NSD2: variants seen among roughly 807,000 people sequenced by gnomAD.
NSD2 encodes histone-lysine N-methyltransferase NSD2.
In NSD2, 12 loss-of-function variants were observed where a neutral mutation model predicts 139.0. That is an observed-to-expected ratio of 0.09 (90% CI 0.06 to 0.14). The LOEUF is 0.14. NSD2 is among the 10% of genes least tolerant of loss of function. The probability of loss-of-function intolerance (pLI) is 1.00; values close to 1 mark genes in which losing one functional copy is unlikely to be tolerated. For missense variants in NSD2, 1,155 were observed against 1,745.0 expected (o/e 0.66, Z 6.02); for synonymous variants, 669 against 648.7 (o/e 1.03, Z -0.48).
At chr4:1,913,639 C>T (rs1020384607) in intron 3 of NSD2, among the ~76,000 whole-genome samples, 18 of 152,200 alleles carry the variant, frequency 1.2e-4, no homozygotes, top group African/African-American at 4.1e-4. Flanking sequence ...GGGAAGGGCC[C>T]CCTGTCTGGT....
At chr4:1,889,342 C>T (rs1277704022) in intron 1 of NSD2, among the ~76,000 whole-genome samples, 4 of 151,888 alleles carry the variant, frequency 2.6e-5, no homozygotes, top group African/African-American at 4.8e-5. Flanking sequence ...TACAGGCATG[C>T]GCTTCCACAC....
At position 1,942,040 on chromosome 4, in the gene NSD2, TC is replaced by T. The variant is rs576109965; in HGVS notation, c.1881+2265del. 1.0e-5 allele frequency: 12 copies of T among 1,158,262 alleles called. No homozygotes were observed. The highest frequency in any genetic ancestry group is 4.7e-5 in the African/African-American group (3 of 63,374). The allele number at this position is 1,158,262 out of a possible 1,614,324, so 71.7% of individuals were successfully genotyped here. ...ACCCCCTTTGCATGTTTGTATTTCC[TC>T]CCTTTCATCACATTTGTTTGAAATA... is the stretch of plus-strand genomic sequence containing the variant. On this transcript the variant is annotated intron_variant, in intron 9 of 21. Transcript: ENST00000508803. This position sits in a 1 kb window ranked among gnomAD's most constrained non-coding sequence, Gnocchi z 4.0.
In NSD2 at chr4:1,939,695, C is replaced by A; in HGVS notation, c.1798C>A (p.Arg600=). The A allele has an allele frequency of 6.2e-7, 1 of 1,614,176 alleles. No homozygotes were observed. Among genetic ancestry groups the A allele is most frequent in the Non-Finnish European group, 8.5e-7 (1 of 1,180,028 alleles). The change falls in exon 9 of 22, where the codon CGA becomes AGA. Residue 600 remains arginine, a synonymous_variant. Coordinates refer to ENST00000508803, the MANE Select transcript of NSD2 (RefSeq NM_001042424.3). ...TGATGCATGTAAACCACTGAAGAAG[C>A]GAAATCGGGCTTCCACGGCAGCATC... The part of the protein sequence containing the change: ...LSDACKPLKK[R]NRASTAASSA...
intron 9 of NSD2, chr4:1,947,351 T>C (rs1723738700): frequency 9.4e-7 from 1 of 1,061,618 alleles, no homozygotes; most frequent in East Asian, 5.1e-5. Flanking sequence ...CTTGGGGCTA[T>C]GTGGCTACGG....
chr4:1,873,300 G>A (rs547000432), intron 1 of NSD2, among the ~76,000 whole-genome samples: 17 of 152,272 alleles, frequency 1.1e-4, no homozygotes, highest in African/African-American at 3.9e-4. Context: ...TAACAGTAAA[G>A]ATTTTATTTT....
chr4:1,872,524 T>G (rs1473923782), intron 1 of NSD2, among the ~76,000 whole-genome samples: 1 of 151,016 alleles, frequency 6.6e-6, no homozygotes, highest in Non-Finnish European at 1.5e-5. Flanking sequence ...TCAAAACTGA[T>G]GTGGTGACGT....
rs990577590 is a variant in NSD2, at chr4:1,979,287, G to A, written c.*378G>A. On this transcript the variant is annotated 3_prime_UTR_variant, in exon 22 of 22. Coordinates refer to ENST00000508803, the MANE Select transcript of NSD2 (RefSeq NM_001042424.3). ...GTAGCGTAGGCTTTTCCCAAGGGTC[G>A]CTAGAAACTCGTCTTCGCGTTGCCC... is the stretch of plus-strand genomic sequence containing the variant. 8.0e-6 allele frequency: 2 copies of A among 250,054 alleles called. No individual in the cohort carries two copies. The highest frequency in any genetic ancestry group is 1.7e-4 in the South Asian group (1 of 5,738). The allele number at this position is 250,054 out of a possible 1,614,324, so 15.5% of individuals were successfully genotyped here.
At chr4:1,918,787 T>G (rs551516992) in intron 5 of NSD2, 164 bp downstream of exon 5, 74 of 993,322 alleles carry the variant, frequency 7.4e-5, no homozygotes, top group Middle Eastern at 6.3e-4. Context: ...ATTCTGACCC[T>G]TGAGGGAAAA....
Position 1,948,536 on chromosome 4 carries a change from T to TAGTGTCCCA in NSD2, c.1882-2536_1882-2535insAGTGTCCCA, listed in dbSNP as rs1723875968. The TAGTGTCCCA allele has an allele frequency of 2.8e-6, 3 of 1,064,492 alleles. No individual in the cohort carries two copies. In the East Asian group the frequency reaches 1.5e-4, roughly 54 times the overall value. 65.9% of individuals were successfully genotyped at this position (1,064,492 alleles called of 1,614,324 possible). A position where few individuals can be genotyped will look rare whatever the true frequency, so the allele number is the denominator to read the frequency against. ...TCCTCCCCGACTGTGGCTAGTTGTC[T>TAGTGTCCCA]GTCCGGTGGCTGGGAGGGGGTGTGG... On this transcript the variant is annotated intron_variant, in intron 9 of 21. Transcript: ENST00000508803. The surrounding 1 kb of genome is among the most constrained non-coding windows in gnomAD (Gnocchi z 4.5).
At chr4:1,891,362 C>T (rs1383910554) in intron 1 of NSD2, among the ~76,000 whole-genome samples, 2 of 152,164 alleles carry the variant, frequency 1.3e-5, no homozygotes, top group Non-Finnish European at 2.9e-5. Flanking sequence ...CTTTTCCGCC[C>T]CCGGAGGAAT....
chr4:1,945,762 C>T (rs1275201495), intron 9 of NSD2: 10 of 1,064,088 alleles, frequency 9.4e-6, no homozygotes, highest in Admixed American at 5.3e-5. Flanking sequence ...ACATCAGTCA[C>T]TGCGTCTGGG....
intron 9 of NSD2, chr4:1,946,258 A>T (rs1485505273): frequency 3.2e-5 from 31 of 959,250 alleles, no homozygotes; most frequent in African/African-American, 1.4e-4. Flanking sequence ...GCATTTATTT[A>T]TTATTTATTT....
intron 9 of NSD2, chr4:1,945,715 A>G: frequency 9.4e-6 from 10 of 1,063,530 alleles, no homozygotes; most frequent in Non-Finnish European, 1.1e-5. Flanking sequence ...TTGAGTTGAA[A>G]GGGTTGCCTT....
chr4:1,971,401 C>CTT (rs1317297173), intron 18 of NSD2, among the ~76,000 whole-genome samples: 1 of 152,068 alleles, frequency 6.6e-6, no homozygotes, highest in African/African-American at 2.4e-5. Context: ...CCAGTGAATA[C>CTT]AGCTGACGGT....
intron 9 of NSD2, chr4:1,946,624 A>G: frequency 9.7e-7 from 1 of 1,031,818 alleles, no homozygotes. Flanking sequence ...ACTTTTTGTC[A>G]ACGAAATTGG....
At chr4:1,952,463 AGGTGGCGGGCAG>A (rs949500653) in intron 11 of NSD2, among the ~76,000 whole-genome samples, 3 of 152,080 alleles carry the variant, frequency 2.0e-5, no homozygotes, top group African/African-American at 4.8e-5. Context: ...CCTTTCCATC[AGGTGGCGGGCAG>A]GGTGGCGGGA....
At position 1,943,726 on chromosome 4, in the gene NSD2, C is replaced by CAA. The variant is rs201271995; in HGVS notation, c.1881+3956_1881+3957dup. ...AGCTCAAGAGTAAAATTAAAATTCT[C>CAA]AAAAAAAAACCCCACGAAATTTAAA... On this transcript the variant is annotated intron_variant, in intron 9 of 21. Transcript: ENST00000508803. 5.7e-6 allele frequency: 6 copies of CAA among 1,047,900 alleles called. No individual in the cohort carries two copies. The African/African-American group carries it at 8.4e-5, about 15-fold the overall frequency. The allele number at this position is 1,047,900 out of a possible 1,614,324, so 64.9% of individuals were successfully genotyped here.
At position 1,981,328 on chromosome 4, in the gene NSD2, T is replaced by A. The variant is rs1318105646; in HGVS notation, c.*2419T>A. On this transcript the variant is annotated 3_prime_UTR_variant, in exon 22 of 22. Transcript: ENST00000508803. ...CTGAGCTTGCAGGGTTTCTCGCCAC[T>A]GGGGCTGACCACGCCCCCAGCTGTG... The A allele has an allele frequency of 1.3e-5, 3 of 233,300 alleles. No homozygotes were observed. The highest frequency in any genetic ancestry group is 2.5e-5 in the Non-Finnish European group (3 of 118,152). 14.5% of individuals were successfully genotyped at this position (233,300 alleles called of 1,614,324 possible).
At chr4:1,959,003 T>C (rs1033292434) in intron 16 of NSD2, among the ~76,000 whole-genome samples, 4 of 152,222 alleles carry the variant, frequency 2.6e-5, no homozygotes, top group African/African-American at 9.6e-5. Flanking sequence ...TATGCCCTCC[T>C]GCCTAGCACT....
Sources: gnomAD v4.1 joint callset for allele counts (sites outside exome capture counted in the v4.1 genomes callset) on GRCh38, gnomAD v4.1.1 for gene constraint, Gnocchi (gnomAD v3.1) non-coding constraint, MANE v1.5 for transcripts, NCBI Gene and HGNC (gene_info 2026-07-23, HGNC 2026-07-21) for gene names.